CRADD: variants seen among roughly 807,000 people sequenced by gnomAD.
The protein encoded by CRADD is CARD and death domain containing adaptor protein.
A neutral mutation model predicts 15.5 loss-of-function variants in CRADD; 9 were observed. The ratio of observed to expected loss-of-function variants is 0.58; its 90% CI spans 0.35 to 1.01. The LOEUF is 1.01. Ranked by LOEUF, CRADD falls within the 50% of genes least tolerant of loss-of-function variation. CRADD has a pLI of 0.02. For missense variants in CRADD, 227 were observed against 250.3 expected, an observed-to-expected ratio of 0.91 and a Z score of 0.63; for synonymous variants, 118 against 107.6, an observed-to-expected ratio of 1.10 and a Z score of -0.60.
At chr12:93,750,227 CA>C (rs34346937) in intron 2 of CRADD, among the ~76,000 whole-genome samples, 85,517 of 151,594 alleles carry the variant, frequency 0.56, 25,243 homozygotes, top group East Asian at 0.89. Context: ...GCGAGTTCTT[CA>C]AGGGAGAGGG....
chr12:93,731,140 C>T (rs1372219943), intron 2 of CRADD, among the ~76,000 whole-genome samples: 3 of 152,166 alleles, frequency 2.0e-5, no homozygotes, highest in Non-Finnish European at 4.4e-5. Flanking sequence ...AGAAAAAAGT[C>T]TGGGGAGGCT....
chr12:93,680,303 G>C (rs1955251765), intron 2 of CRADD, among the ~76,000 whole-genome samples: 1 of 152,176 alleles, frequency 6.6e-6, no homozygotes, highest in African/African-American at 2.4e-5. Context: ...TTCCGGTTCA[G>C]TGGGCCCCAG....
intron 2 of CRADD, among the ~76,000 whole-genome samples, chr12:93,783,228 GTATTATTAT>G (rs57260302): frequency 0.03 from 4,144 of 139,314 alleles, 157 homozygotes; most frequent in African/African-American, 0.085. Flanking sequence ...ACAGGTATAG[GTATTATTAT>G]TATTATTATT....
chr12:93,699,150 G>A (rs534569378), intron 2 of CRADD, among the ~76,000 whole-genome samples: 10 of 152,224 alleles, frequency 6.6e-5, no homozygotes, highest in African/African-American at 2.4e-4. Flanking sequence ...CTGGATTAAA[G>A]CAAATGCTTA....
chr12:93,885,044 G>C (rs1958526564), intron 2 of CRADD, among the ~76,000 whole-genome samples: 1 of 152,156 alleles, frequency 6.6e-6, no homozygotes, highest in African/African-American at 2.4e-5. Flanking sequence ...GGTGGGAATG[G>C]CCTGGGAGAA....
At chr12:93,767,345 C>T (rs1957036942) in intron 2 of CRADD, among the ~76,000 whole-genome samples, 1 of 152,244 alleles carries the variant, frequency 6.6e-6, no homozygotes, top group South Asian at 2.1e-4. Context: ...GGCCTCGTTT[C>T]TCTCAGGTCC....
intron 2 of CRADD, among the ~76,000 whole-genome samples, chr12:93,715,055 CT>C (rs896856965): frequency 6.8e-6 from 1 of 146,332 alleles, no homozygotes; most frequent in Non-Finnish European, 1.5e-5. Context: ...ATCCAATGTC[CT>C]TTTTTTATTA....
chr12:93,790,933 A>ACACACACACACACACACT (rs1957342198), intron 2 of CRADD, among the ~76,000 whole-genome samples: 1 of 151,778 alleles, frequency 6.6e-6, no homozygotes, highest in Non-Finnish European at 1.5e-5. Context: ...ACACACACAC[A>ACACACACACACACACACT]CACACACTCT....
intron 1 of CRADD, among the ~76,000 whole-genome samples, chr12:93,678,276 T>C (rs570282701): frequency 9.8e-5 from 15 of 152,346 alleles, no homozygotes; most frequent in African/African-American, 3.4e-4. Flanking sequence ...CTCCTATTAC[T>C]GATCAGGTTT....
intron 2 of CRADD, among the ~76,000 whole-genome samples, chr12:93,765,511 C>T (rs1356741705): frequency 6.6e-6 from 1 of 152,058 alleles, no homozygotes; most frequent in East Asian, 1.9e-4. Flanking sequence ...GTAATATTCC[C>T]CATGCATTAC....
At position 93,695,471 on chromosome 12, in the gene CRADD, T is replaced by G. The variant is rs150421707; in HGVS notation, c.298+16399T>G. ...ATAGACAAATGGGATAAACAAAAGC[T>G]TCTGCACAGGAAACAACAGAGTAAA... On this transcript the variant is annotated intron_variant, in intron 2 of 2. Coordinates refer to ENST00000332896, the MANE Select transcript of CRADD (RefSeq NM_003805.5). Among the ~76,000 whole-genome samples the G allele has an allele frequency of 3.0e-3, 464 of 152,274 alleles. 3 individuals carry two copies. The highest frequency in any genetic ancestry group is 0.01 in the African/African-American group (425 of 41,548).
chr12:93,843,449 C>T (rs1312786277), intron 2 of CRADD, among the ~76,000 whole-genome samples: 3 of 144,392 alleles, frequency 2.1e-5, no homozygotes, highest in Non-Finnish European at 3.0e-5. Flanking sequence ...GGCGTGATCT[C>T]GCTCACTGCA....
At chr12:93,832,275 T>C (rs1407250279) in intron 2 of CRADD, among the ~76,000 whole-genome samples, 2 of 152,204 alleles carry the variant, frequency 1.3e-5, no homozygotes, top group Non-Finnish European at 2.9e-5. Flanking sequence ...AAGATTGTTG[T>C]TGAGTCACAG....
At chr12:93,838,399 A>C (rs181331551) in intron 2 of CRADD, among the ~76,000 whole-genome samples, 1 of 149,928 alleles carries the variant, frequency 6.7e-6, no homozygotes, top group East Asian at 2.0e-4. Context: ...CCACCACTCT[A>C]CTCACTCCAC....
At chr12:93,742,438 G>GCAC (rs1956685956) in intron 2 of CRADD, among the ~76,000 whole-genome samples, 1 of 150,804 alleles carries the variant, frequency 6.6e-6, no homozygotes, top group African/African-American at 2.4e-5. Context: ...CCGCCCTAGG[G>GCAC]CGCCGGCTGC....
chr12:93,729,434 G>A (rs1174136955), intron 2 of CRADD, among the ~76,000 whole-genome samples: 1 of 152,110 alleles, frequency 6.6e-6, no homozygotes, highest in Non-Finnish European at 1.5e-5. Context: ...TTATAATCTT[G>A]TGGTAGCAGA....
At chr12:93,745,289 A>G (rs186869688) in intron 2 of CRADD, among the ~76,000 whole-genome samples, 9 of 152,338 alleles carry the variant, frequency 5.9e-5, no homozygotes, top group Admixed American at 2.6e-4. Context: ...AGTATGAATT[A>G]CATATGGGCA....
chr12:93,742,131 A>C (rs1413453685), intron 2 of CRADD, among the ~76,000 whole-genome samples: 3 of 152,234 alleles, frequency 2.0e-5, no homozygotes, highest in Admixed American at 6.5e-5. Flanking sequence ...ATGTTAGCCC[A>C]AAATGAAGTT....
At chr12:93,773,316 TG>T (rs1361578701) in intron 2 of CRADD, among the ~76,000 whole-genome samples, 1 of 152,112 alleles carries the variant, frequency 6.6e-6, no homozygotes, top group Non-Finnish European at 1.5e-5. Flanking sequence ...AGTTGAATCA[TG>T]GGGGCAGGCC....
Sources: allele counts gnomAD v4.1 joint callset (sites outside exome capture counted in the v4.1 genomes callset), GRCh38; gene constraint gnomAD v4.1.1; transcripts MANE v1.5; gene names NCBI Gene and HGNC (gene_info 2026-07-23, HGNC 2026-07-21).